MMEL1: variants seen among roughly 807,000 people sequenced by gnomAD.
MMEL1 encodes the protein membrane metallo-endopeptidase-like 1.
A neutral mutation model predicts 117.1 loss-of-function variants in MMEL1; 98 were observed. The ratio of observed to expected loss-of-function variants is 0.84; its 90% CI spans 0.71 to 0.99. The LOEUF is 0.99. Among genes scored for constraint, MMEL1 ranks in the 50% least tolerant of loss-of-function variants. The pLI is 0.00. For synonymous variants in MMEL1, 390 were observed against 415.1 expected (o/e 0.94, Z 0.74); for missense variants, 1,014 against 1,049.1 (o/e 0.97, Z 0.46).
At chr1:2,592,107 GTCTGGCTCC>G (rs1429954906) in intron 21 of MMEL1, 80 bp from the exon 22 acceptor site, 54 of 1,246,282 alleles carry the variant, frequency 4.3e-5, no homozygotes, top group Non-Finnish European at 2.7e-5. Flanking sequence ...CAGAGCAGAG[GTCTGGCTCC>G]AGGACCTACC....
At chr1:2,601,759 TC>T (rs1644935103) in intron 11 of MMEL1, among the ~76,000 whole-genome samples, 1 of 152,156 alleles carries the variant, frequency 6.6e-6, no homozygotes, top group South Asian at 2.1e-4. Flanking sequence ...AAACAGACGT[TC>T]CACAAAAGGG....
At chr1:2,604,964 A>T (rs893850007) in intron 9 of MMEL1, among the ~76,000 whole-genome samples, 3 of 152,108 alleles carry the variant, frequency 2.0e-5, no homozygotes, top group Admixed American at 6.5e-5. Flanking sequence ...AGTCTAGTTC[A>T]TAGCCCACCT....
At chr1:2,606,088 C>G (rs896563623) in intron 8 of MMEL1, among the ~76,000 whole-genome samples, 160 bp downstream of exon 8, 1 of 152,154 alleles carries the variant, frequency 6.6e-6, no homozygotes, top group Non-Finnish European at 1.5e-5. Context: ...GCAGCAGCAG[C>G]TCGTTCCCGG....
At chr1:2,622,970 C>G (rs1475452532) in intron 2 of MMEL1, among the ~76,000 whole-genome samples, 1 of 151,172 alleles carries the variant, frequency 6.6e-6, no homozygotes, top group Non-Finnish European at 1.5e-5. Flanking sequence ...GAGATCAACA[C>G]CATCCTGGCC....
intron 2 of MMEL1, among the ~76,000 whole-genome samples, chr1:2,622,066 T>C (rs1361577224): frequency 6.6e-6 from 1 of 151,830 alleles, no homozygotes; most frequent in Non-Finnish European, 1.5e-5. Context: ...TCTGATTCAG[T>C]TGGCATCTAG....
At position 2,590,917 on chromosome 1, in the gene MMEL1, G is replaced by A. The variant is rs142443982; in HGVS notation, c.*73C>T. On this transcript the variant is annotated 3_prime_UTR_variant, in exon 24 of 24. Coordinates refer to ENST00000378412, the MANE Select transcript of MMEL1 (RefSeq NM_033467.4). Reference sequence around the variant, plus strand: ...GGGGCGGGACGTACACTGGGTCGCCGCTAGCTGCACCTTCGCACAGATGCC... The same window carrying A: ...GGGGCGGGACGTACACTGGGTCGCCACTAGCTGCACCTTCGCACAGATGCC... The A allele has an allele frequency of 7.2e-3, 8,703 of 1,202,178 alleles. 43 individuals carry two copies. Among genetic ancestry groups the A allele is most frequent in the Non-Finnish European group, 8.1e-3 (7,406 of 918,066 alleles). 74.5% of individuals were successfully genotyped at this position (1,202,178 alleles called of 1,614,324 possible).
In MMEL1 at chr1:2,609,791, C is replaced by T. The variant is rs1210928820; in HGVS notation, c.333G>A (p.Pro111=). The T allele has an allele frequency of 1.9e-5, 30 of 1,613,346 alleles. No homozygotes were observed. Among genetic ancestry groups the T allele is most frequent in the South Asian group, 7.7e-5 (7 of 91,010 alleles). ...ILQNMDPTTE[P]CDDFYQFACG... ...ATGCAAACTGGTAGAAGTCGTCACA[C>T]GGTTCCGTGGTCGGGTCCATGTTCT... The change falls in exon 5 of 24, where the codon CCG becomes CCA. Residue 111 remains proline, a synonymous_variant. Coordinates refer to ENST00000378412, the MANE Select transcript of MMEL1 (RefSeq NM_033467.4).
In MMEL1 at chr1:2,596,587, C is replaced by A. The variant is rs749812350; in HGVS notation, c.1375G>T (p.Ala459Ser). ...NAVGSLYVRE[A>S]FPGDSKSMVR... is the part of the protein sequence containing the mutation. ...ATGCTCTTGCTGTCTCCAGGGAACG[C>A]CTCCCTGACGTAGAGGGAGCCCACG... Residue 459 changes from alanine (A) to serine (S), a missense_variant, in exon 14 of 24, where the codon GCG becomes TCG. By Grantham distance (99) the Ala-to-Ser change is moderately conservative. Coordinates refer to ENST00000378412, the MANE Select transcript of MMEL1 (RefSeq NM_033467.4). 2 of 1,612,096 alleles carry A rather than the reference C, an allele frequency of 1.2e-6. No individual in the cohort carries two copies. The highest frequency in any genetic ancestry group is 1.7e-6 in the Non-Finnish European group (2 of 1,179,774).
In MMEL1 at chr1:2,603,767, A is replaced by G. The variant is rs993585696; in HGVS notation, c.1041+117T>C. On this transcript the variant is annotated intron_variant, in intron 11 of 23. Coordinates refer to ENST00000378412, the MANE Select transcript of MMEL1 (RefSeq NM_033467.4). ...AGGTACAGGGTCTCCCTGCTCGGGGATGGGGAATGTTTCTGAGCTTAAATG... is the reference window on the plus strand; with the variant it reads ...AGGTACAGGGTCTCCCTGCTCGGGGGTGGGGAATGTTTCTGAGCTTAAATG... The G allele has an allele frequency of 5.7e-6, 5 of 874,488 alleles. No homozygotes were observed. The African/African-American group carries it at 8.4e-5, about 15-fold the overall frequency. 54.2% of individuals were successfully genotyped at this position (874,488 alleles called of 1,614,324 possible).
At chr1:2,632,643 G>T in intron 1 of MMEL1, 1 of 177,482 alleles carries the variant, frequency 5.6e-6, no homozygotes, top group Admixed American at 5.7e-5. Flanking sequence ...GCCTCTCCAG[G>T]TTACTACAGA....
At chr1:2,603,733 T>G in intron 11 of MMEL1, 151 bp downstream of exon 11, 2 of 656,234 alleles carry the variant, frequency 3.0e-6, no homozygotes, top group South Asian at 3.7e-5. Context: ...GCAGCAAGTT[T>G]GGGTGATCAG....
At chr1:2,606,115 A>C in intron 8 of MMEL1, 133 bp downstream of exon 8, 1 of 704,620 alleles carries the variant, frequency 1.4e-6, no homozygotes, top group Non-Finnish European at 2.5e-6. Flanking sequence ...GGACGTGGAC[A>C]GGAGCCAGGA....
intron 13 of MMEL1, among the ~76,000 whole-genome samples, chr1:2,597,843 G>T (rs1020812126): frequency 1.3e-5 from 2 of 152,116 alleles, no homozygotes; most frequent in Non-Finnish European, 2.9e-5. Flanking sequence ...GCTGACCACG[G>T]GTCCGGCCCC....
At chr1:2,611,674 G>A (rs527555515) in intron 3 of MMEL1, among the ~76,000 whole-genome samples, 1 of 152,266 alleles carries the variant, frequency 6.6e-6, no homozygotes, top group East Asian at 1.9e-4. Context: ...CTTGACCGCT[G>A]CAGGGACCTG....
At chr1:2,632,396 A>T (rs1638633499) in intron 1 of MMEL1, among the ~76,000 whole-genome samples, 1 of 152,214 alleles carries the variant, frequency 6.6e-6, no homozygotes, top group African/African-American at 2.4e-5. Context: ...TGATGAATGA[A>T]TGGATCAATC....
chr1:2,603,070 T>G (rs1185048472), intron 11 of MMEL1, among the ~76,000 whole-genome samples: 1 of 152,180 alleles, frequency 6.6e-6, no homozygotes, highest in African/African-American at 2.4e-5. Context: ...AGGCCAGCCC[T>G]GGGGACCAGA....
At chr1:2,620,066 A>T (rs1034469968) in intron 2 of MMEL1, among the ~76,000 whole-genome samples, 12 of 152,228 alleles carry the variant, frequency 7.9e-5, no homozygotes, top group African/African-American at 2.7e-4. Flanking sequence ...GCTCAGCTTC[A>T]GGAATCACAA....
chr1:2,629,564 TC>T, intron 1 of MMEL1, 43 bp from the exon 2 acceptor site: 1 of 1,345,140 alleles, frequency 7.4e-7, no homozygotes, highest in East Asian at 3.0e-5. Flanking sequence ...GGCGTGGAGC[TC>T]CCCGAGCCCG....
At chr1:2,614,519 G>T (rs530513317) in intron 2 of MMEL1, among the ~76,000 whole-genome samples, 1 of 152,352 alleles carries the variant, frequency 6.6e-6, no homozygotes, top group East Asian at 1.9e-4. Context: ...GGTCCATGTG[G>T]TGGTGGAGTA....
Sources: gnomAD v4.1 joint callset for allele counts (sites outside exome capture counted in the v4.1 genomes callset) on GRCh38, gnomAD v4.1.1 for gene constraint, MANE v1.5 for transcripts, NCBI Gene and HGNC (gene_info 2026-07-23, HGNC 2026-07-21) for gene names.